The following CPZ variants were observed in gnomAD, a reference collection of about 807,000 sequenced individuals.
CPZ encodes carboxypeptidase Z.
In CPZ, 103 loss-of-function variants were observed where a neutral mutation model predicts 61.8. The observed-to-expected ratio is 1.67, with a 90% CI of 1.42 to 1.96. CPZ has a LOEUF of 1.96. Among genes scored for constraint, CPZ ranks in the 30% most tolerant of loss-of-function variants. The probability of loss-of-function intolerance (pLI) is 0.00; values close to 1 mark genes in which losing one functional copy is unlikely to be tolerated. For missense variants in CPZ, 1,461 were observed against 914.9 expected (o/e 1.60, Z -7.70); for synonymous variants, 551 against 373.7 (o/e 1.47, Z -5.47).
intron 3 of CPZ, chr4:8,603,344 TAG>T (rs1714714131): frequency 6.6e-6 from 1 of 152,432 alleles, no homozygotes; most frequent in Non-Finnish European, 1.5e-5. Flanking sequence ...GTATGTGGTG[TAG>T]AGACGTTCGT....
chr4:8,607,316 T>A lies in CPZ; in HGVS notation c.1118T>A (p.Phe373Tyr). The A allele has an allele frequency of 6.2e-7, 1 of 1,614,068 alleles. No homozygotes were observed. The highest frequency in any genetic ancestry group is 1.1e-5 in the South Asian group (1 of 91,076). Residue 373 changes from phenylalanine to tyrosine, a missense_variant, in exon 7 of 11, where the codon TTT becomes TAT. Transcript: ENST00000360986. ...AIMKWMQTIP[F>Y]VLSASLHGGD... ...ATGAAGTGGATGCAGACCATACCCT[T>A]TGTGCTCTCAGCCAGCCTTCATGGG...
rs1207796858 is a variant in CPZ, at chr4:8,614,326, A to G, written c.1364-33A>G. ...TCCCGGCTGTCTCTGTGCGGCTGAC[A>G]CCCCTGACGTCCCCGCTGTCTCTGT... On this transcript the variant is annotated intron_variant, in intron 8 of 10. Coordinates refer to ENST00000360986, the MANE Select transcript of CPZ (RefSeq NM_001014447.3). 5 of 1,599,558 alleles carry G rather than the reference A, an allele frequency of 3.1e-6. No homozygotes were observed. In the East Asian group the frequency reaches 9.0e-5, roughly 29 times the overall value.
At chr4:8,598,172 T>C (rs999150001) in intron 1 of CPZ, among the ~76,000 whole-genome samples, 4 of 152,214 alleles carry the variant, frequency 2.6e-5, no homozygotes, top group African/African-American at 9.6e-5. Flanking sequence ...GGTGGAGGAC[T>C]AGTGCCCTAA....
chr4:8,608,215 C>T (rs796704356), intron 7 of CPZ, among the ~76,000 whole-genome samples: 2 of 151,780 alleles, frequency 1.3e-5, no homozygotes, highest in African/African-American at 2.4e-5. Context: ...CCCACTCCAC[C>T]GGAGGCTGGG....
Position 8,614,986 on chromosome 4 carries a change from T to C in CPZ, c.1503+488T>C, listed in dbSNP as rs1716041610. Among the ~76,000 whole-genome samples the C allele has an allele frequency of 2.0e-5, 3 of 152,164 alleles. No homozygotes were observed. In the South Asian group the frequency reaches 6.3e-4, roughly 32 times the overall value. On this transcript the variant is annotated intron_variant, in intron 9 of 10. Transcript: ENST00000360986. ...GAGCCGCTGGGGCTGTGGTGAGGACTCGAGCCGTGGGATGGGGCGGGCACT... is the reference window on the plus strand; with the variant it reads ...GAGCCGCTGGGGCTGTGGTGAGGACCCGAGCCGTGGGATGGGGCGGGCACT...
Position 8,606,036 on chromosome 4 carries a change from G to T in CPZ, c.757G>T (p.Ala253Ser), listed in dbSNP as rs768021205. 5.0e-6 allele frequency: 8 copies of T among 1,614,006 alleles called. No individual in the cohort carries two copies. In the African/African-American group the frequency reaches 5.3e-5, roughly 11 times the overall value. ...CGGCAACATTCATGGCAACGAGGTG[G>T]CGGGCCGGGAGATGCTCATCTACCT... ...LIGNIHGNEV[A>S]GREMLIYLAQ... Residue 253 changes from alanine (A) to serine (S), a missense_variant, in exon 5 of 11, where the codon GCG (alanine) becomes TCG (serine). Ala to Ser is a moderately conservative substitution (Grantham distance 99). Transcript: ENST00000360986.
At chr4:8,611,348 G>A (rs187990054) in intron 7 of CPZ, 3 of 443,302 alleles carry the variant, frequency 6.8e-6, no homozygotes, top group African/African-American at 4.0e-5. Context: ...TGGGCACAAT[G>A]CGGGGAAGCT....
At chr4:8,593,090 T>G (rs1577104185) in intron 1 of CPZ, among the ~76,000 whole-genome samples, 169 bp downstream of exon 1, 4 of 152,116 alleles carry the variant, frequency 2.6e-5, no homozygotes. Context: ...ACTGGTAGTG[T>G]GACCTCTCCC....
At position 8,619,670 on chromosome 4, in the gene CPZ, C is replaced by A; in HGVS notation, c.*53C>A. The A allele has an allele frequency of 1.5e-6, 2 of 1,332,826 alleles. No individual in the cohort carries two copies. The highest frequency in any genetic ancestry group is 9.9e-7 in the Non-Finnish European group (1 of 1,005,760). 82.6% of individuals were successfully genotyped at this position (1,332,826 alleles called of 1,614,324 possible). A position where few individuals can be genotyped will look rare whatever the true frequency, so the allele number is the denominator to read the frequency against. ...GGAGACCGAGGCCCATCTCCGCATC[C>A]CGGGCTCCTGGCTCTTGATTTTGTC... On this transcript the variant is annotated 3_prime_UTR_variant, in exon 11 of 11. Coordinates refer to ENST00000360986, the MANE Select transcript of CPZ (RefSeq NM_001014447.3).
At position 8,601,176 on chromosome 4, in the gene CPZ, A is replaced by AC. The variant is rs1188079313; in HGVS notation, c.177dup (p.Thr60HisfsTer51). ...CTGCAGCGATGCCGCCTACAACCAC[A>AC]CCACCTTCCCCAACCTGCTTCAGCA... On this transcript the variant is annotated frameshift_variant, in exon 3 of 11. Coordinates refer to ENST00000360986, the MANE Select transcript of CPZ (RefSeq NM_001014447.3). LOFTEE classifies it high-confidence loss of function. 1 of 1,607,636 alleles carries AC rather than the reference A, an allele frequency of 6.2e-7. No homozygotes were observed. The highest frequency in any genetic ancestry group is 8.5e-7 in the Non-Finnish European group (1 of 1,175,688).
At position 8,619,400 on chromosome 4, in the gene CPZ, T is replaced by G. The variant is rs144492587; in HGVS notation, c.1742T>G (p.Leu581Arg). Residue 581 changes from leucine (L) to arginine (R), a missense_variant, in exon 11 of 11, where the codon CTG becomes CGG. Coordinates refer to ENST00000360986, the MANE Select transcript of CPZ (RefSeq NM_001014447.3). Reference sequence around the variant, plus strand: ...AGGGCTGGCCGTGTGGACTTCATTCTGCAACCTCTGGGGATGGGACCCAAG... The same window carrying G: ...AGGGCTGGCCGTGTGGACTTCATTCGGCAACCTCTGGGGATGGGACCCAAG... ...MKRAGRVDFILQPLGMGPKNF... is the reference protein window; with the variant it reads ...MKRAGRVDFIRQPLGMGPKNF... 1.2e-6 allele frequency: 2 copies of G among 1,614,196 alleles called. No homozygotes were observed. Among genetic ancestry groups the G allele is most frequent in the Non-Finnish European group, 1.7e-6 (2 of 1,180,008 alleles).
In CPZ at chr4:8,618,411, T is replaced by TC. The variant is rs756029926; in HGVS notation, c.1504-14dup. The TC allele has an allele frequency of 6.2e-7, 1 of 1,612,620 alleles. No individual in the cohort carries two copies. The highest frequency in any genetic ancestry group is 8.5e-7 in the Non-Finnish European group (1 of 1,179,008). The stretch of plus-strand genomic sequence containing the variant: ...GAGAGCTCACGCCATCTCCCTGGCC[T>TC]CCCCTTGGTCTCTTCAGGTGCACCG... On this transcript the variant is annotated splice_polypyrimidine_tract_variant and intron_variant, in intron 9 of 10. Transcript: ENST00000360986.
intron 2 of CPZ, chr4:8,600,921 T>C: frequency 7.8e-7 from 1 of 1,285,332 alleles, no homozygotes; most frequent in Non-Finnish European, 9.8e-7. Flanking sequence ...TAGTTGAATC[T>C]GGTTGGTCTT....
intron 1 of CPZ, 108 bp from the exon 2 acceptor site, chr4:8,599,345 G>A (rs1476727674): frequency 1.1e-4 from 143 of 1,294,642 alleles, no homozygotes; most frequent in Admixed American, 1.8e-4. Flanking sequence ...GCTGGCGGAG[G>A]GTGGCCTGGG....
rs550710051 is a variant in CPZ, at chr4:8,601,869, C to T, written c.496+372C>T. On this transcript the variant is annotated intron_variant, in intron 3 of 10. Coordinates refer to ENST00000360986, the MANE Select transcript of CPZ (RefSeq NM_001014447.3). ...GAGTGCAGGGCTGGCCCTGGGGGTC[C>T]AGTCCTCAGCCACAGACCCTCCAGA... is the stretch of plus-strand genomic sequence containing the variant. 12 of 192,436 alleles carry T rather than the reference C, an allele frequency of 6.2e-5. No individual in the cohort carries two copies. The East Asian group carries it at 1.4e-3, about 22-fold the overall frequency. The allele number at this position is 192,436 out of a possible 1,614,324, so 11.9% of individuals were successfully genotyped here. A position where few individuals can be genotyped will look rare whatever the true frequency, so the allele number is the denominator to read the frequency against.
Position 8,610,636 on chromosome 4 carries a change from C to T in CPZ, c.1228-1391C>T, listed in dbSNP as rs576110959. On this transcript the variant is annotated intron_variant, in intron 7 of 10. Coordinates refer to ENST00000360986, the MANE Select transcript of CPZ (RefSeq NM_001014447.3). ...GCAGATGTGGCCTGGGCAGATGGAC[C>T]GTTTGTTGGATGTGATTCATTCTTG... 5.3e-5 allele frequency among the ~76,000 whole-genome samples: 8 copies of T among 152,288 alleles called. 1 individual carries two copies. Among genetic ancestry groups the T allele is most frequent in the South Asian group, 4.1e-4 (2 of 4,824 alleles).
intron 7 of CPZ, among the ~76,000 whole-genome samples, chr4:8,607,732 G>T (rs1466851162): frequency 1.3e-5 from 2 of 152,284 alleles, no homozygotes; most frequent in East Asian, 1.9e-4. Context: ...TTTGAGCTCC[G>T]CCCCGCGCCT....
At chr4:8,599,598 C>T (rs769795677) in intron 2 of CPZ, 113 bp downstream of exon 2, 123 of 1,534,482 alleles carry the variant, frequency 8.0e-5, no homozygotes, top group Non-Finnish European at 1.0e-4. Context: ...TAATGGATAA[C>T]ACAGCCCATT....
intron 7 of CPZ, 21 bp from the exon 8 acceptor site, chr4:8,612,006 T>C (rs769296401): frequency 1.7e-5 from 27 of 1,613,662 alleles, no homozygotes; most frequent in Non-Finnish European, 2.3e-5. Context: ...TTTCCTTATC[T>C]GAGCCAGGTT....
Sources: gnomAD v4.1 joint callset for allele counts (sites outside exome capture counted in the v4.1 genomes callset) on GRCh38, gnomAD v4.1.1 for gene constraint, MANE v1.5 for transcripts, NCBI Gene and HGNC (gene_info 2026-07-23, HGNC 2026-07-21) for gene names.